The following AGPS variants were observed in gnomAD, a reference collection of about 807,000 sequenced individuals.
AGPS encodes the protein alkylglycerone phosphate synthase.
In AGPS, 26 loss-of-function variants were observed where a neutral mutation model predicts 90.7. The ratio of observed to expected loss-of-function variants is 0.29; its 90% confidence interval spans 0.21 to 0.40. The LOEUF (loss-of-function observed/expected upper bound fraction) is 0.40, where lower values mean the gene tolerates loss of function less well. Ranked by LOEUF, AGPS falls within the 10% of genes least tolerant of loss-of-function variation. The pLI is 1.00. For missense variants in AGPS, 540 were observed against 816.1 expected (o/e 0.66, Z 4.12); for synonymous variants, 294 against 285.3 (o/e 1.03, Z -0.31).
In AGPS at chr2:177,490,538, A is replaced by G. The variant is rs564138717; in HGVS notation, c.1234-2610A>G. On this transcript the variant is annotated intron_variant, in intron 11 of 19. Transcript: ENST00000264167. ...GTTTTGATAGTGTTTGTCTGTTACC[A>G]TCTACTATTCCTCCTTGATACTAAT... Among the ~76,000 whole-genome samples the G allele has an allele frequency of 3.9e-5, 6 of 152,334 alleles. No individual in the cohort carries two copies. The East Asian group carries it at 1.2e-3, about 29-fold the overall frequency.
intron 10 of AGPS, among the ~76,000 whole-genome samples, chr2:177,475,316 G>T (rs1464124941): frequency 6.6e-6 from 1 of 152,136 alleles, no homozygotes; most frequent in Non-Finnish European, 1.5e-5. Flanking sequence ...GAAAGAGTAG[G>T]TGTGGTAGAT....
intron 10 of AGPS, among the ~76,000 whole-genome samples, chr2:177,480,591 T>C (rs1396280532): frequency 6.6e-6 from 1 of 151,090 alleles, no homozygotes; most frequent in African/African-American, 2.4e-5. Flanking sequence ...CGGGGGGAAG[T>C]GGGGAGGGAT....
At chr2:177,533,120 A>G (rs550492629) in intron 19 of AGPS, among the ~76,000 whole-genome samples, 21 of 152,164 alleles carry the variant, frequency 1.4e-4, no homozygotes, top group Non-Finnish European at 2.4e-4. Context: ...TCAGATTACT[A>G]TAAGATAGAA....
chr2:177,442,828 C>CAAAAAAA (rs71007994), intron 7 of AGPS, among the ~76,000 whole-genome samples: 1 of 99,410 alleles, frequency 1.0e-5, no homozygotes, highest in Non-Finnish European at 2.0e-5. Context: ...GCCTGGGTGA[C>CAAAAAAA]AAAAAAAAAA....
At chr2:177,462,392 C>CAAAAAAAAAAAAA (rs67734682) in intron 9 of AGPS, among the ~76,000 whole-genome samples, 1 of 108,216 alleles carries the variant, frequency 9.2e-6, no homozygotes, top group African/African-American at 3.7e-5. Context: ...GATTCTGTCT[C>CAAAAAAAAAAAAA]AAAAAAAAAA....
chr2:177,428,287 T>C (rs983187618), intron 2 of AGPS, among the ~76,000 whole-genome samples: 10 of 152,220 alleles, frequency 6.6e-5, no homozygotes, highest in African/African-American at 2.4e-4. Context: ...ACCTTGCAAT[T>C]CTGTGTCTTT....
chr2:177,492,629 G>A (rs1304925600), intron 11 of AGPS, among the ~76,000 whole-genome samples: 1 of 152,166 alleles, frequency 6.6e-6, no homozygotes, highest in Non-Finnish European at 1.5e-5. Context: ...AAAGCTGTGT[G>A]TGCATGTGTC....
intron 18 of AGPS, among the ~76,000 whole-genome samples, chr2:177,523,215 A>AT (rs1353439006): frequency 1.3e-5 from 2 of 152,230 alleles, no homozygotes; most frequent in East Asian, 3.8e-4. Flanking sequence ...TATAACTCTG[A>AT]TGCCCACTAT....
chr2:177,453,049 C>G lies in AGPS; in HGVS notation c.870+7423C>G, dbSNP rs78301307. Among the ~76,000 whole-genome samples the G allele has an allele frequency of 2.6e-5, 4 of 151,860 alleles. No individual in the cohort carries two copies. The East Asian group carries it at 7.7e-4, about 29-fold the overall frequency. On this transcript the variant is annotated intron_variant, in intron 8 of 19. Transcript: ENST00000264167. ...CTTTTAACATGACTTTAGTGTGGGT[C>G]TGCTGTTGGCAAATTCTAATTTTGT...
intron 8 of AGPS, among the ~76,000 whole-genome samples, chr2:177,456,760 A>T (rs1452125169): frequency 6.6e-6 from 1 of 152,224 alleles, no homozygotes; most frequent in Non-Finnish European, 1.5e-5. Context: ...GTAACACCGC[A>T]CTGTTAATAC....
intron 8 of AGPS, among the ~76,000 whole-genome samples, chr2:177,459,703 C>T (rs992998607): frequency 1.3e-5 from 2 of 152,088 alleles, no homozygotes; most frequent in Non-Finnish European, 2.9e-5. Context: ...AATAGGAACG[C>T]TCTTATGCTG....
At position 177,477,268 on chromosome 2, in the gene AGPS, G is replaced by A. The variant is rs74751584; in HGVS notation, c.1106-4791G>A. Among the ~76,000 whole-genome samples, 274 of 151,946 alleles carry A rather than the reference G, an allele frequency of 1.8e-3. 6 individuals are homozygous for A. In the East Asian group the frequency reaches 0.023, roughly 13 times the overall value. On this transcript the variant is annotated intron_variant, in intron 10 of 19. Coordinates refer to ENST00000264167, the MANE Select transcript of AGPS (RefSeq NM_003659.4). ...CCTTAAGTGAGTATTTTCTAATGTAGCATTTTAATTGCCTTAGTGATTTTT... is the reference window on the plus strand; with the variant it reads ...CCTTAAGTGAGTATTTTCTAATGTAACATTTTAATTGCCTTAGTGATTTTT...
At chr2:177,512,981 C>T (rs1281327880) in intron 16 of AGPS, among the ~76,000 whole-genome samples, 3 of 151,938 alleles carry the variant, frequency 2.0e-5, no homozygotes, top group Non-Finnish European at 4.4e-5. Context: ...GTAGCTGGGA[C>T]TACAGACATG....
At chr2:177,470,716 AAAAAAAAAAG>A (rs1174020807) in intron 10 of AGPS, among the ~76,000 whole-genome samples, 43 of 149,356 alleles carry the variant, frequency 2.9e-4, no homozygotes, top group African/African-American at 7.9e-4. Context: ...GTCTCAAAAA[AAAAAAAAAAG>A]AAAAAAAAAA....
intron 8 of AGPS, among the ~76,000 whole-genome samples, chr2:177,448,077 G>C (rs536192569): frequency 3.3e-5 from 5 of 151,942 alleles, no homozygotes; most frequent in African/African-American, 9.6e-5. Flanking sequence ...TATCTGACTC[G>C]AATTTTTTTT....
intron 9 of AGPS, among the ~76,000 whole-genome samples, chr2:177,466,547 G>C (rs187041590): frequency 6.6e-6 from 1 of 152,232 alleles, no homozygotes; most frequent in African/African-American, 2.4e-5. Flanking sequence ...CAGGCTGTTC[G>C]TGCTAAGGGC....
At chr2:177,479,306 G>C (rs1284266996) in intron 10 of AGPS, among the ~76,000 whole-genome samples, 2 of 152,156 alleles carry the variant, frequency 1.3e-5, no homozygotes, top group African/African-American at 4.8e-5. Flanking sequence ...AGCTACAGGG[G>C]AGCACTACCT....
chr2:177,504,540 C>G (rs1688653743), intron 14 of AGPS, among the ~76,000 whole-genome samples: 2 of 151,992 alleles, frequency 1.3e-5, no homozygotes, highest in Admixed American at 6.6e-5. Flanking sequence ...CACCATCTAC[C>G]TATAGTGGCA....
At chr2:177,433,148 G>A (rs922735820) in intron 2 of AGPS, among the ~76,000 whole-genome samples, 4 of 152,142 alleles carry the variant, frequency 2.6e-5, no homozygotes, top group Non-Finnish European at 4.4e-5. Flanking sequence ...TCTAATATGT[G>A]TATCTTTCAT....
Sources: gnomAD v4.1 joint callset for allele counts (sites outside exome capture counted in the v4.1 genomes callset) on GRCh38, gnomAD v4.1.1 for gene constraint, MANE v1.5 for transcripts, NCBI Gene and HGNC (gene_info 2026-07-23, HGNC 2026-07-21) for gene names.